ACAN: variants seen among roughly 807,000 people sequenced by gnomAD.
The protein encoded by ACAN is aggrecan core protein.
A neutral mutation model predicts 169.1 loss-of-function variants in ACAN; 47 were observed. That is an observed-to-expected ratio of 0.28 (90% CI 0.22 to 0.35). The LOEUF (loss-of-function observed/expected upper bound fraction) is 0.35, where lower values mean the gene tolerates loss of function less well. ACAN is among the 10% of genes least tolerant of loss of function. The pLI, the probability that ACAN is intolerant of heterozygous loss-of-function variation, is 1.00. For missense variants in ACAN, 2,716 were observed against 2,759.9 expected (o/e 0.98, Z 0.36); for synonymous variants, 1,115 against 1,112.2 (o/e 1.00, Z -0.05).
rs1316117275 is a variant in ACAN, at chr15:88,866,310, A to G, written c.6947-1906A>G. On this transcript the variant is annotated intron_variant, in intron 13 of 18. Transcript: ENST00000560601. This position sits in a 1 kb window ranked among gnomAD's most constrained non-coding sequence, Gnocchi z 5.6. ...CCCTGCTCTGTACAACTGCTTTAGCACCTACATTTGCTTAATTCCCCTTGC... is the reference window on the plus strand; with the variant it reads ...CCCTGCTCTGTACAACTGCTTTAGCGCCTACATTTGCTTAATTCCCCTTGC... Among the ~76,000 whole-genome samples the G allele has an allele frequency of 1.3e-5, 2 of 152,154 alleles. No individual in the cohort carries two copies. The highest frequency in any genetic ancestry group is 3.4e-3 in the Middle Eastern group (1 of 294).
In ACAN at chr15:88,858,657, C is replaced by G. The variant is rs1164752509; in HGVS notation, c.6072C>G (p.Thr2024=). The change falls in exon 12 of 19, where the codon ACC becomes ACG. Residue 2024 remains threonine (T), a synonymous_variant. Coordinates refer to ENST00000560601, the MANE Select transcript of ACAN (RefSeq NM_001369268.1). The surrounding 1 kb of genome is among the most constrained non-coding windows in gnomAD (Gnocchi z 4.0). ...VSGESSVAMG[T]SGEASGLPEV... is the part of the protein sequence containing the mutation. ...GAGAATCCTCTGTAGCCATGGGCAC[C>G]AGTGGAGAGGCCTCAGGACTTCCAG... The G allele has an allele frequency of 6.2e-7, 1 of 1,613,854 alleles. No homozygotes were observed. Among genetic ancestry groups the G allele is most frequent in the East Asian group, 2.2e-5 (1 of 44,900 alleles).
rs1895724750 is a variant in ACAN, at chr15:88,807,825, G to A, written c.-8+4016G>A. 6.6e-6 allele frequency among the ~76,000 whole-genome samples: 1 copy of A among 151,380 alleles called. No individual in the cohort carries two copies. The highest frequency in any genetic ancestry group is 1.5e-5 in the Non-Finnish European group (1 of 67,840). On this transcript the variant is annotated intron_variant, in intron 1 of 18. Transcript: ENST00000560601. This position sits in a 1 kb window ranked among gnomAD's most constrained non-coding sequence, Gnocchi z 4.0. ...CGGGCCCTGCGGGCTGGCCAGGCCT[G>A]TGAGAGGTGACTTCTCTCCCTCTCA...
In ACAN at chr15:88,851,698, C is replaced by A; in HGVS notation, c.2027-96C>A. On this transcript the variant is annotated intron_variant, in intron 10 of 18. Coordinates refer to ENST00000560601, the MANE Select transcript of ACAN (RefSeq NM_001369268.1). The surrounding 1 kb of genome is among the most constrained non-coding windows in gnomAD (Gnocchi z 4.3). ...GCTGAACTAGGAGGTGGGGCCTGGC[C>A]ACCTCAGAGTCCCCTAGCTCCCCTC... is the stretch of plus-strand genomic sequence containing the variant. 2.1e-6 allele frequency: 3 copies of A among 1,432,508 alleles called. No homozygotes were observed. Among genetic ancestry groups the A allele is most frequent in the Non-Finnish European group, 9.2e-7 (1 of 1,081,640 alleles). The allele number at this position is 1,432,508 out of a possible 1,614,324, so 88.7% of individuals were successfully genotyped here.
chr15:88,821,687 T>A (rs544842745), intron 1 of ACAN, among the ~76,000 whole-genome samples: 17 of 152,282 alleles, frequency 1.1e-4, no homozygotes, highest in African/African-American at 3.6e-4. Context: ...GGGAAAGCAG[T>A]GTCACTGAAG....
At chr15:88,840,259 G>A (rs1596132038) in intron 4 of ACAN, 73 bp downstream of exon 4, 1 of 1,471,136 alleles carries the variant, frequency 6.8e-7, no homozygotes, top group Non-Finnish European at 9.0e-7. Context: ...GTGCTGGGTG[G>A]AACGTTGGCC....
rs150256695 is a variant in ACAN, at chr15:88,873,411, G to A, written c.7447+386G>A. ...GGCCATCAATCACAGAGTCATAGTT[G>A]TCAGGCCTCGATCCTTTGGCTTTCA... On this transcript the variant is annotated intron_variant, in intron 17 of 18. Coordinates refer to ENST00000560601, the MANE Select transcript of ACAN (RefSeq NM_001369268.1). This position sits in a 1 kb window ranked among gnomAD's most constrained non-coding sequence, Gnocchi z 7.5. Among the ~76,000 whole-genome samples, 4 of 152,328 alleles carry A rather than the reference G, an allele frequency of 2.6e-5. No homozygotes were observed. In the East Asian group the frequency reaches 7.7e-4, roughly 29 times the overall value.
chr15:88,846,013 A>C, intron 7 of ACAN, 131 bp downstream of exon 7: 1 of 1,031,902 alleles, frequency 9.7e-7, no homozygotes. Context: ...CTCCTCTCAG[A>C]CCTTATTCTC....
chr15:88,850,943 CAA>C (rs553780362), intron 10 of ACAN: 28 of 105,968 alleles, frequency 2.6e-4, no homozygotes, highest in Non-Finnish European at 2.8e-4. Context: ...GACTCTGTCT[CAA>C]AAAAAAAAAA....
At chr15:88,810,603 C>G (rs1244480035) in intron 1 of ACAN, among the ~76,000 whole-genome samples, 1 of 152,136 alleles carries the variant, frequency 6.6e-6, no homozygotes, top group East Asian at 1.9e-4. Context: ...CAGGGGAAGC[C>G]TGGATTCTAG....
rs1896268571 is a variant in ACAN at position 88,828,073 on chromosome 15, C to G, written c.-7-8127C>G. On this transcript the variant is annotated intron_variant, in intron 1 of 18. Coordinates refer to ENST00000560601, the MANE Select transcript of ACAN (RefSeq NM_001369268.1). ...AAGATGAGTCTGCTAATAAGTTGGTCATAACAACAAGAAATGACAAAGGAC... is the reference window on the plus strand; with the variant it reads ...AAGATGAGTCTGCTAATAAGTTGGTGATAACAACAAGAAATGACAAAGGAC... 2.0e-5 allele frequency among the ~76,000 whole-genome samples: 3 copies of G among 152,104 alleles called. No individual in the cohort carries two copies. The South Asian group carries it at 6.2e-4, about 32-fold the overall frequency.
chr15:88,872,145 C>T lies in ACAN; in HGVS notation c.7302+60C>T, dbSNP rs1034604224. The T allele has an allele frequency of 4.8e-6, 7 of 1,460,184 alleles. No individual in the cohort carries two copies. Among genetic ancestry groups the T allele is most frequent in the Non-Finnish European group, 6.7e-6 (7 of 1,041,528 alleles). 90.5% of individuals were successfully genotyped at this position (1,460,184 alleles called of 1,614,324 possible). A position where few individuals can be genotyped will look rare whatever the true frequency, so the allele number is the denominator to read the frequency against. On this transcript the variant is annotated intron_variant, in intron 16 of 18. Coordinates refer to ENST00000560601, the MANE Select transcript of ACAN (RefSeq NM_001369268.1). This position sits in a 1 kb window ranked among gnomAD's most constrained non-coding sequence, Gnocchi z 5.4. Reference sequence around the variant, plus strand: ...GGGACAGGGAGTGGGATAGAGACCCCTGGAGAGAGATGCATTCAAACCCCA... The same window carrying T: ...GGGACAGGGAGTGGGATAGAGACCCTTGGAGAGAGATGCATTCAAACCCCA...
chr15:88,848,110 AAAG>A, intron 9 of ACAN, 72 bp downstream of exon 9: 2 of 1,573,866 alleles, frequency 1.3e-6, no homozygotes, highest in Non-Finnish European at 1.7e-6. Context: ...AGGGCGATAC[AAAG>A]AAGAGAGGGG....
Position 88,814,445 on chromosome 15 carries a change from G to A in ACAN, c.-8+10636G>A, listed in dbSNP as rs1159319135. On this transcript the variant is annotated intron_variant, in intron 1 of 18. Coordinates refer to ENST00000560601, the MANE Select transcript of ACAN (RefSeq NM_001369268.1). This position sits in a 1 kb window ranked among gnomAD's most constrained non-coding sequence, Gnocchi z 4.0. The stretch of plus-strand genomic sequence containing the variant: ...CTCTTAAGATAGTCTTACCATCCTG[G>A]AGCAGAAAGGGGCCTCAGGAATGCA... Among the ~76,000 whole-genome samples, 5 of 152,160 alleles carry A rather than the reference G, an allele frequency of 3.3e-5. No homozygotes were observed. Among genetic ancestry groups the A allele is most frequent in the Non-Finnish European group, 5.9e-5 (4 of 68,020 alleles).
At chr15:88,831,888 G>A (rs1448067072) in intron 1 of ACAN, among the ~76,000 whole-genome samples, 1 of 152,228 alleles carries the variant, frequency 6.6e-6, no homozygotes, top group Non-Finnish European at 1.5e-5. Flanking sequence ...TCTCCATGGA[G>A]GAACAGCAGG....
intron 12 of ACAN, 32 bp from the exon 13 acceptor site, chr15:88,860,294 T>C (rs1897167746): frequency 3.9e-6 from 6 of 1,521,692 alleles, no homozygotes; most frequent in Non-Finnish European, 5.4e-6. Context: ...GACTGTGTTC[T>C]TGATGCTCAA....
chr15:88,838,566 C>T lies in ACAN; in HGVS notation c.71-97C>T. On this transcript the variant is annotated intron_variant, in intron 2 of 18. Transcript: ENST00000560601. This position sits in a 1 kb window ranked among gnomAD's most constrained non-coding sequence, Gnocchi z 5.1. ...AGACACACTCATCGGATTTCGCTCT[C>T]TCAGGAGAGTGCATTGCTGGAAGGA... 3.5e-6 allele frequency: 5 copies of T among 1,417,828 alleles called. No individual in the cohort carries two copies. Among genetic ancestry groups the T allele is most frequent in the Non-Finnish European group, 4.8e-6 (5 of 1,043,070 alleles). 87.8% of individuals were successfully genotyped at this position (1,417,828 alleles called of 1,614,324 possible).
intron 1 of ACAN, among the ~76,000 whole-genome samples, chr15:88,816,903 T>C (rs1440159683): frequency 6.6e-6 from 1 of 152,190 alleles, no homozygotes; most frequent in Non-Finnish European, 1.5e-5. Context: ...CCCAAATCTG[T>C]TGAACACAGT....
chr15:88,821,131 T>C (rs1896065332), intron 1 of ACAN, among the ~76,000 whole-genome samples: 1 of 152,126 alleles, frequency 6.6e-6, no homozygotes, highest in Non-Finnish European at 1.5e-5. Flanking sequence ...TCCCATGATA[T>C]ATGGGAATTA....
At chr15:88,842,256 C>G (rs1248904261) in intron 5 of ACAN, among the ~76,000 whole-genome samples, 1 of 152,148 alleles carries the variant, frequency 6.6e-6, no homozygotes, top group African/African-American at 2.4e-5. Context: ...GACACTACAC[C>G]TGCAACAAAG....
Sources: gnomAD v4.1 joint callset for allele counts (sites outside exome capture counted in the v4.1 genomes callset) on GRCh38, gnomAD v4.1.1 for gene constraint, Gnocchi (gnomAD v3.1) non-coding constraint, MANE v1.5 for transcripts, NCBI Gene and HGNC (gene_info 2026-07-23, HGNC 2026-07-21) for gene names.